GDI2: variants seen among roughly 807,000 people sequenced by gnomAD.
GDI2 encodes GDP dissociation inhibitor 2.
Under a neutral mutation model 54.2 loss-of-function variants are expected in GDI2, and 22 were observed. The ratio of observed to expected loss-of-function variants is 0.41; its 90% CI spans 0.29 to 0.58. GDI2 has a LOEUF of 0.58. Ranked by LOEUF, GDI2 falls within the 20% of genes least tolerant of loss-of-function variation. The pLI, the probability that GDI2 is intolerant of heterozygous loss-of-function variation, is 0.35. For missense variants in GDI2, 422 were observed against 546.0 expected (o/e 0.77, Z 2.26); for synonymous variants, 177 against 182.1 (o/e 0.97, Z 0.23).
Position 5,766,641 on chromosome 10 carries a change from A to G in GDI2, c.992-3T>C. On this transcript the variant is annotated splice_region_variant and splice_polypyrimidine_tract_variant and intron_variant, in intron 8 of 10. Coordinates refer to ENST00000380191, the MANE Select transcript of GDI2 (RefSeq NM_001494.4). The surrounding 1 kb of genome is among the most constrained non-coding windows in gnomAD (Gnocchi z 5.8). The stretch of plus-strand genomic sequence containing the variant: ...GGAGATCATGCAGACGTAGATATCT[A>G]GAAACAAATGATACCAGCTCACTGC... The G allele has an allele frequency of 1.2e-6, 2 of 1,612,608 alleles. No individual in the cohort carries two copies. The highest frequency in any genetic ancestry group is 1.1e-5 in the South Asian group (1 of 91,050).
chr10:5,804,367 T>G (rs1841331989), intron 1 of GDI2, among the ~76,000 whole-genome samples: 2 of 152,194 alleles, frequency 1.3e-5, no homozygotes, highest in Admixed American at 6.5e-5. Flanking sequence ...GTGCTGGGAT[T>G]ACAGGCATGA....
At position 5,765,435 on chromosome 10, in the gene GDI2, A is replaced by C. The variant is rs957531546; in HGVS notation, c.*571T>G. On this transcript the variant is annotated 3_prime_UTR_variant, in exon 11 of 11. Transcript: ENST00000380191. ...ATCAACTTTATTAGGTTAAAACACC[A>C]CATACAGGCTTTCTCCAAATGACTC... 6.5e-6 allele frequency: 1 copy of C among 152,696 alleles called. No homozygotes were observed. Among genetic ancestry groups the C allele is most frequent in the Admixed American group, 6.5e-5 (1 of 15,278 alleles). 9.5% of individuals were successfully genotyped at this position (152,696 alleles called of 1,614,324 possible).
intron 6 of GDI2, among the ~76,000 whole-genome samples, chr10:5,780,217 A>AAAAC (rs200803775): frequency 2.8e-5 from 4 of 144,094 alleles, no homozygotes; most frequent in Admixed American, 1.4e-4. Flanking sequence ...TCCAAAAAAA[A>AAAAC]AAACAAACAA....
Position 5,776,757 on chromosome 10 carries a change from A to G in GDI2, c.720-2816T>C, listed in dbSNP as rs1424074127. ...CAGAAGTTTGCAGCAAATACCAGGA[A>G]AGCCAAGGACATTCCAATCCCCAAT... On this transcript the variant is annotated intron_variant, in intron 6 of 10. Transcript: ENST00000380191. The surrounding 1 kb of genome is among the most constrained non-coding windows in gnomAD (Gnocchi z 5.3). 4.8e-5 allele frequency: 74 copies of G among 1,542,170 alleles called. No individual in the cohort carries two copies. The highest frequency in any genetic ancestry group is 6.3e-5 in the Non-Finnish European group (71 of 1,118,800).
intron 4 of GDI2, among the ~76,000 whole-genome samples, chr10:5,789,454 G>C (rs1453721938): frequency 6.6e-6 from 1 of 151,902 alleles, no homozygotes; most frequent in Non-Finnish European, 1.5e-5. Context: ...ATATCGTCCA[G>C]GCTAGAGGTG....
chr10:5,800,544 C>A, intron 2 of GDI2, 54 bp downstream of exon 2: 1 of 854,018 alleles, frequency 1.2e-6, no homozygotes, highest in Non-Finnish European at 2.1e-6. Context: ...TAGAGATTCA[C>A]AAGTGAAATA....
rs533387431 is a variant in GDI2 at position 5,792,225 on chromosome 10, T to C, written c.388+2660A>G. Among the ~76,000 whole-genome samples, 11 of 152,298 alleles carry C rather than the reference T, an allele frequency of 7.2e-5. No homozygotes were observed. The South Asian group carries it at 1.9e-3, about 26-fold the overall frequency. On this transcript the variant is annotated intron_variant, in intron 4 of 10. Coordinates refer to ENST00000380191, the MANE Select transcript of GDI2 (RefSeq NM_001494.4). ...TCAGACAGACCTGGCTCCAAACCAGTTACTAGCTATACTACTTTGTGCTTT... is the reference window on the plus strand; with the variant it reads ...TCAGACAGACCTGGCTCCAAACCAGCTACTAGCTATACTACTTTGTGCTTT...
intron 4 of GDI2, among the ~76,000 whole-genome samples, chr10:5,794,416 CAACCCAGCTACTT>C (rs1381468861): frequency 2.0e-5 from 3 of 151,476 alleles, no homozygotes; most frequent in Non-Finnish European, 4.4e-5. Flanking sequence ...ATTTCACTTC[CAACCCAGCTACTT>C]ATCCCAGCTA....
At position 5,794,184 on chromosome 10, in the gene GDI2, AAAAAATATATAT is replaced by A. The variant is rs1170818225; in HGVS notation, c.388+689_388+700del. On this transcript the variant is annotated intron_variant, in intron 4 of 10. Coordinates refer to ENST00000380191, the MANE Select transcript of GDI2 (RefSeq NM_001494.4). ...TCTGTCTTTAAAAGAAAAAAAAAAA[AAAAAATATATAT>A]ATATATATATATATATATATATATA... Among the ~76,000 whole-genome samples the A allele has an allele frequency of 1.5e-3, 80 of 52,698 alleles. No homozygotes were observed. In the East Asian group the frequency reaches 0.022, roughly 14 times the overall value. The allele number at this position is 52,698 out of a possible 152,430, so 34.6% of individuals were successfully genotyped here. A position where few individuals can be genotyped will look rare whatever the true frequency, so the allele number is the denominator to read the frequency against.
At position 5,766,414 on chromosome 10, in the gene GDI2, C is replaced by T; in HGVS notation, c.1136+80G>A. 6.5e-7 allele frequency: 1 copy of T among 1,537,794 alleles called. No individual in the cohort carries two copies. The highest frequency in any genetic ancestry group is 9.0e-7 in the Non-Finnish European group (1 of 1,111,296). Reference sequence around the variant, plus strand: ...GAGCAGCCAGCAGCTACCTGCCTTGCCCTCACATTCGTCCCACCATGGAGC... The same window carrying T: ...GAGCAGCCAGCAGCTACCTGCCTTGTCCTCACATTCGTCCCACCATGGAGC... On this transcript the variant is annotated intron_variant, in intron 9 of 10. Coordinates refer to ENST00000380191, the MANE Select transcript of GDI2 (RefSeq NM_001494.4). This position sits in a 1 kb window ranked among gnomAD's most constrained non-coding sequence, Gnocchi z 5.8.
At chr10:5,770,797 C>G (rs1840471684) in intron 7 of GDI2, among the ~76,000 whole-genome samples, 1 of 151,904 alleles carries the variant, frequency 6.6e-6, no homozygotes, top group African/African-American at 2.4e-5. Flanking sequence ...GAAACCCCAT[C>G]TCTACTAAAA....
intron 4 of GDI2, among the ~76,000 whole-genome samples, chr10:5,791,695 G>A (rs1001835507): frequency 1.4e-4 from 21 of 148,422 alleles, no homozygotes; most frequent in Non-Finnish European, 2.4e-4. Context: ...TGCAGTGAGC[G>A]CACCATTGCA....
chr10:5,781,302 G>A (rs1840748478), intron 6 of GDI2, among the ~76,000 whole-genome samples: 2 of 150,042 alleles, frequency 1.3e-5, no homozygotes, highest in East Asian at 2.0e-4. Context: ...CAATAGGAGA[G>A]TATTTCTGTG....
chr10:5,813,142 G>C, intron 1 of GDI2, 72 bp downstream of exon 1: 1 of 910,108 alleles, frequency 1.1e-6, no homozygotes, highest in South Asian at 1.6e-5. Context: ...GCTGCGACCC[G>C]CGGGCCGTGC....
chr10:5,794,042 T>C (rs1008633968), intron 4 of GDI2, among the ~76,000 whole-genome samples: 62 of 151,222 alleles, frequency 4.1e-4, no homozygotes, highest in Admixed American at 9.9e-4. Context: ...TACATGCCTA[T>C]AGTCCCAGCT....
intron 1 of GDI2, among the ~76,000 whole-genome samples, chr10:5,808,476 C>T (rs1841421165): frequency 6.6e-6 from 1 of 152,010 alleles, no homozygotes; most frequent in African/African-American, 2.4e-5. Context: ...GAGTTCAAAA[C>T]CAGCCTGGCC....
chr10:5,808,842 A>T (rs1015112500), intron 1 of GDI2, among the ~76,000 whole-genome samples: 39 of 152,314 alleles, frequency 2.6e-4, no homozygotes, highest in African/African-American at 9.4e-4. Flanking sequence ...AACCAGAAAA[A>T]TTTTAAATCA....
At chr10:5,787,469 T>C (rs928155983) in intron 4 of GDI2, among the ~76,000 whole-genome samples, 1 of 151,540 alleles carries the variant, frequency 6.6e-6, no homozygotes, top group African/African-American at 2.4e-5. Flanking sequence ...ATTGCACCAT[T>C]GTACTCCAGC....
At chr10:5,789,258 G>C (rs1163144441) in intron 4 of GDI2, among the ~76,000 whole-genome samples, 2 of 151,632 alleles carry the variant, frequency 1.3e-5, no homozygotes, top group South Asian at 2.1e-4. Context: ...AGGGTATTCA[G>C]CTAATTTTTC....
Sources: gnomAD v4.1 joint callset for allele counts (sites outside exome capture counted in the v4.1 genomes callset) on GRCh38, gnomAD v4.1.1 for gene constraint, Gnocchi (gnomAD v3.1) non-coding constraint, MANE v1.5 for transcripts, NCBI Gene and HGNC (gene_info 2026-07-23, HGNC 2026-07-21) for gene names.